ZNF440: variants seen among roughly 807,000 people sequenced by gnomAD.
ZNF440 encodes zinc finger protein 440.
In ZNF440, 47 loss-of-function variants were observed where a neutral mutation model predicts 49.7. The ratio of observed to expected loss-of-function variants is 0.95; its 90% confidence interval spans 0.75 to 1.21. The LOEUF (loss-of-function observed/expected upper bound fraction) is 1.21, where lower values mean the gene tolerates loss of function less well. Among genes scored for constraint, ZNF440 ranks in the 50% most tolerant of loss-of-function variants. ZNF440 has a pLI of 0.00. For missense variants in ZNF440, 703 were observed against 715.0 expected (o/e 0.98, Z 0.19); for synonymous variants, 255 against 237.7 (o/e 1.07, Z -0.67).
intron 1 of ZNF440, among the ~76,000 whole-genome samples, chr19:11,823,892 T>G (rs1328909522): frequency 2.6e-5 from 4 of 151,710 alleles, no homozygotes; most frequent in Middle Eastern, 3.4e-3. Context: ...AACCTGGGAG[T>G]CCAAGGTTGC....
rs1320638914 is a variant in ZNF440 at position 11,814,324 on chromosome 19, T to C, written c.-124T>C. ...CGCCGACAGCGGTCAGGATCTCGGC[T>C]TTCTTGCTTCGAGAGGGACTAGGTG... On this transcript the variant is annotated 5_prime_UTR_variant, in exon 1 of 4. Coordinates refer to ENST00000304060, the MANE Select transcript of ZNF440 (RefSeq NM_152357.3). 9 of 1,149,966 alleles carry C rather than the reference T, an allele frequency of 7.8e-6. No homozygotes were observed. The East Asian group carries it at 2.8e-4, about 36-fold the overall frequency. The allele number at this position is 1,149,966 out of a possible 1,614,324, so 71.2% of individuals were successfully genotyped here.
Position 11,833,884 on chromosome 19 carries a change from T to A in ZNF440, c.*920T>A, listed in dbSNP as rs1006337540. 2.5e-6 allele frequency: 1 copy of A among 401,516 alleles called. No individual in the cohort carries two copies. Among genetic ancestry groups the A allele is most frequent in the Non-Finnish European group, 4.5e-6 (1 of 220,542 alleles). The allele number at this position is 401,516 out of a possible 1,614,324, so 24.9% of individuals were successfully genotyped here. On this transcript the variant is annotated 3_prime_UTR_variant, in exon 4 of 4. Transcript: ENST00000304060. ...GACAAGATTCTTTGAATACAGATAATGAATGTAAACAATTAACTGTTTATA... is the reference window on the plus strand; with the variant it reads ...GACAAGATTCTTTGAATACAGATAAAGAATGTAAACAATTAACTGTTTATA...
At position 11,815,284 on chromosome 19, in the gene ZNF440, TCACACA is replaced by T. The variant is rs3223082; in HGVS notation, c.3+871_3+876del. Among the ~76,000 whole-genome samples the T allele has an allele frequency of 4.2e-3, 513 of 121,122 alleles. 3 individuals are homozygous for T. The highest frequency in any genetic ancestry group is 0.015 in the African/African-American group (459 of 31,420). The allele number at this position is 121,122 out of a possible 152,430, so 79.5% of individuals were successfully genotyped here. ...AGAGCGAGACAACTGGGCAACTCCG[TCACACA>T]CACACACACACACACACACACACAC... On this transcript the variant is annotated intron_variant, in intron 1 of 3. Coordinates refer to ENST00000304060, the MANE Select transcript of ZNF440 (RefSeq NM_152357.3).
rs368411263 is a variant in ZNF440 at position 11,830,346 on chromosome 19, A to T, written c.67A>T (p.Ile23Phe). Residue 23 changes from isoleucine (I) to phenylalanine (F), a missense_variant, in exon 2 of 4, where the codon ATT becomes TTT. Transcript: ENST00000304060. The stretch of plus-strand genomic sequence containing the variant: ...CCAGGAGGAGTGGGCTTTGCTGGAT[A>T]TTTCCCAGAGGAAACTCTACAGGGA... ...FTQEEWALLDISQRKLYREVM... is the reference protein window; with the variant it reads ...FTQEEWALLDFSQRKLYREVM... 1 of 1,614,104 alleles carries T rather than the reference A, an allele frequency of 6.2e-7. No individual in the cohort carries two copies. Among genetic ancestry groups the T allele is most frequent in the Non-Finnish European group, 8.5e-7 (1 of 1,180,016 alleles).
At chr19:11,820,170 G>C (rs1232950211) in intron 1 of ZNF440, among the ~76,000 whole-genome samples, 5 of 152,116 alleles carry the variant, frequency 3.3e-5, no homozygotes. Context: ...AGGTTCCTTT[G>C]TGGAAACTTT....
chr19:11,815,326 A>ACACACACACACACACAC (rs1568237555), intron 1 of ZNF440, among the ~76,000 whole-genome samples: 16 of 150,346 alleles, frequency 1.1e-4, no homozygotes, highest in Non-Finnish European at 1.9e-4. Flanking sequence ...ACACACACAC[A>ACACACACACACACACAC]AATTAAATAG....
At chr19:11,818,093 T>A (rs1975754753) in intron 1 of ZNF440, among the ~76,000 whole-genome samples, 1 of 152,086 alleles carries the variant, frequency 6.6e-6, no homozygotes, top group South Asian at 2.1e-4. Flanking sequence ...TGATCCCAGC[T>A]ACTCGGGAGG....
At chr19:11,830,909 G>C (rs1975928780) in intron 3 of ZNF440, among the ~76,000 whole-genome samples, 3 of 152,142 alleles carry the variant, frequency 2.0e-5, no homozygotes, top group Admixed American at 1.3e-4. Context: ...AGCAGTTCAA[G>C]AACAGCCTGG....
Position 11,833,862 on chromosome 19 carries a change from A to G in ZNF440, c.*898A>G, listed in dbSNP as rs1975985330. ...GTATGGGAAAGCGTTCAGACCTGAC[A>G]AGATTCTTTGAATACAGATAATGAA... On this transcript the variant is annotated 3_prime_UTR_variant, in exon 4 of 4. Coordinates refer to ENST00000304060, the MANE Select transcript of ZNF440 (RefSeq NM_152357.3). 1.6e-5 allele frequency: 8 copies of G among 496,946 alleles called. No individual in the cohort carries two copies. The highest frequency in any genetic ancestry group is 1.0e-5 in the Non-Finnish European group (3 of 296,100). The allele number at this position is 496,946 out of a possible 1,614,324, so 30.8% of individuals were successfully genotyped here.
At chr19:11,826,169 G>A (rs1392773387) in intron 1 of ZNF440, among the ~76,000 whole-genome samples, 1 of 152,132 alleles carries the variant, frequency 6.6e-6, no homozygotes, top group Non-Finnish European at 1.5e-5. Context: ...TGTTACCATA[G>A]TTTGTTTCTT....
intron 1 of ZNF440, among the ~76,000 whole-genome samples, chr19:11,820,307 C>T (rs1036133885): frequency 1.3e-5 from 2 of 152,146 alleles, no homozygotes; most frequent in Non-Finnish European, 2.9e-5. Flanking sequence ...AGCTCCGCTT[C>T]CCGGGTTCAT....
chr19:11,833,318 C>G lies in ZNF440; in HGVS notation c.*354C>G, dbSNP rs950593585. 7.6e-6 allele frequency: 4 copies of G among 529,300 alleles called. No individual in the cohort carries two copies. The African/African-American group carries it at 7.9e-5, about 10-fold the overall frequency. 32.8% of individuals were successfully genotyped at this position (529,300 alleles called of 1,614,324 possible). On this transcript the variant is annotated 3_prime_UTR_variant, in exon 4 of 4. Transcript: ENST00000304060. ...TGAAAGGATGCACAGAGGAGAGAAG[C>G]TCTGTGAATGTAAGCATTGTGGGAA...
At chr19:11,828,111 G>A (rs545328962) in intron 1 of ZNF440, among the ~76,000 whole-genome samples, 15 of 152,254 alleles carry the variant, frequency 9.9e-5, no homozygotes, top group Non-Finnish European at 1.5e-4. Context: ...CATGCTTAGC[G>A]TTCCAAAAAT....
chr19:11,814,318 C>T lies in ZNF440; in HGVS notation c.-130C>T. On this transcript the variant is annotated 5_prime_UTR_variant, in exon 1 of 4. Transcript: ENST00000304060. ...GTGCTGCGCCGACAGCGGTCAGGAT[C>T]TCGGCTTTCTTGCTTCGAGAGGGAC... 1 of 1,060,510 alleles carries T rather than the reference C, an allele frequency of 9.4e-7. No individual in the cohort carries two copies. The highest frequency in any genetic ancestry group is 3.2e-5 in the East Asian group (1 of 31,268). 65.7% of individuals were successfully genotyped at this position (1,060,510 alleles called of 1,614,324 possible). A position where few individuals can be genotyped will look rare whatever the true frequency, so the allele number is the denominator to read the frequency against.
In ZNF440 at chr19:11,814,459, G is replaced by T; in HGVS notation, c.3+9G>T. The T allele has an allele frequency of 6.5e-7, 1 of 1,532,886 alleles. No individual in the cohort carries two copies. The highest frequency in any genetic ancestry group is 8.8e-7 in the Non-Finnish European group (1 of 1,141,342). 95.0% of individuals were successfully genotyped at this position (1,532,886 alleles called of 1,614,324 possible). ...CTGGAAGCCGAGAAATGGTGTGTGTGAGGGGGCTGGCGTCCGGGCGACTGG... is the reference window on the plus strand; with the variant it reads ...CTGGAAGCCGAGAAATGGTGTGTGTTAGGGGGCTGGCGTCCGGGCGACTGG... On this transcript the variant is annotated intron_variant, in intron 1 of 3. Coordinates refer to ENST00000304060, the MANE Select transcript of ZNF440 (RefSeq NM_152357.3).
Position 11,832,839 on chromosome 19 carries a change from C to T in ZNF440, c.1663C>T (p.Pro555Ser). The T allele has an allele frequency of 6.2e-7, 1 of 1,613,480 alleles. No individual in the cohort carries two copies. The highest frequency in any genetic ancestry group is 1.7e-5 in the Admixed American group (1 of 59,944). ...VSNDGKPSDL[P>S]HTFEYVVGHT... The stretch of plus-strand genomic sequence containing the variant: ...CAATGACGGAAAGCCTTCAGATCTG[C>T]CCCACACCTTTGAATACGTGGTAGG... The change falls in exon 4 of 4, where the codon CCC (proline) becomes TCC (serine). Residue 555 changes from proline (P) to serine (S), a missense_variant. By Grantham distance (74) the Pro-to-Ser change is moderately conservative. Transcript: ENST00000304060.
intron 1 of ZNF440, among the ~76,000 whole-genome samples, chr19:11,826,498 C>T (rs1383852413): frequency 3.3e-5 from 5 of 152,062 alleles, no homozygotes; most frequent in Admixed American, 2.0e-4. Context: ...TTCAGAGCTC[C>T]GCAGACTGTC....
chr19:11,823,177 A>G (rs1975820119), intron 1 of ZNF440, among the ~76,000 whole-genome samples: 1 of 152,044 alleles, frequency 6.6e-6, no homozygotes, highest in African/African-American at 2.4e-5. Flanking sequence ...GACAGAGGAG[A>G]GGAAGCCGGC....
chr19:11,832,178 C>G lies in ZNF440; in HGVS notation c.1002C>G (p.His334Gln), dbSNP rs369174148. 1.2e-5 allele frequency: 20 copies of G among 1,614,092 alleles called. No individual in the cohort carries two copies. The highest frequency in any genetic ancestry group is 1.7e-5 in the Non-Finnish European group (20 of 1,180,034). ...LTSFQTHVRL[H>Q]SGERPYECKI... ...GTTTTCAAACACACGTAAGATTGCA[C>G]TCTGGAGAAAGACCTTATGAATGTA... Residue 334 changes from histidine to glutamine, a missense_variant, in exon 4 of 4, where the codon CAC (histidine) becomes CAG (glutamine). Coordinates refer to ENST00000304060, the MANE Select transcript of ZNF440 (RefSeq NM_152357.3).
Sources: gnomAD v4.1 joint callset for allele counts (sites outside exome capture counted in the v4.1 genomes callset) on GRCh38, gnomAD v4.1.1 for gene constraint, MANE v1.5 for transcripts, NCBI Gene and HGNC (gene_info 2026-07-23, HGNC 2026-07-21) for gene names.